Variants in PCDHA11 observed in about 807,000 individuals in gnomAD.
PCDHA11 encodes the protein protocadherin alpha 11.
PCDHA11 carries 61 observed loss-of-function variants against 70.3 expected under a neutral mutation model. That is an observed-to-expected ratio of 0.87 (90% CI 0.71 to 1.07). PCDHA11 has a LOEUF of 1.07. Ranked by LOEUF, PCDHA11 falls within the 50% of genes least tolerant of loss-of-function variation. The pLI is 0.00. For missense variants in PCDHA11, 1,324 were observed against 1,237.5 expected, an observed-to-expected ratio of 1.07 and a Z score of -1.05; for synonymous variants, 633 against 555.1, an observed-to-expected ratio of 1.14 and a Z score of -1.97.
intron 3 of PCDHA11, among the ~76,000 whole-genome samples, chr5:140,986,776 C>T (rs916981139): frequency 2.6e-5 from 4 of 152,098 alleles, no homozygotes; most frequent in Non-Finnish European, 4.4e-5. Flanking sequence ...AATTAGGTAG[C>T]GGAAGCCACT....
intron 1 of PCDHA11, among the ~76,000 whole-genome samples, chr5:140,941,202 C>CCTTTCTTCCTTTCTTTTTCTTT (rs1394736170): frequency 8.1e-6 from 1 of 122,742 alleles, no homozygotes; most frequent in African/African-American, 3.0e-5. Flanking sequence ...TTTCTTTCTT[C>CCTTTCTTCCTTTCTTTTTCTTT]CTTTCTTTCT....
intron 3 of PCDHA11, among the ~76,000 whole-genome samples, chr5:141,007,395 CA>C (rs35800918): frequency 0.59 from 55,851 of 95,076 alleles, 14,598 homozygotes; most frequent in African/African-American, 0.74. Context: ...TACTAAAATA[CA>C]AAAAAAAAAA....
rs137875021 is a variant in PCDHA11, at chr5:140,942,837, A to C, written c.2392-36112A>C. Among the ~76,000 whole-genome samples, 666 of 152,296 alleles carry C rather than the reference A, an allele frequency of 4.4e-3. 3 individuals are homozygous for C. Among genetic ancestry groups the C allele is most frequent in the African/African-American group, 0.016 (646 of 41,564 alleles). On this transcript the variant is annotated intron_variant, in intron 1 of 3. Transcript: ENST00000398640. ...TTGGATTTGGCCCTGTGTCAATAAA[A>C]ATTCCAGTAAGATGATTATTTTGCT...
In PCDHA11 at chr5:140,958,013, G is replaced by A. The variant is rs553596138; in HGVS notation, c.2392-20936G>A. 2.6e-5 allele frequency among the ~76,000 whole-genome samples: 4 copies of A among 152,110 alleles called. No individual in the cohort carries two copies. In the South Asian group the frequency reaches 8.3e-4, roughly 32 times the overall value. On this transcript the variant is annotated intron_variant, in intron 1 of 3. Coordinates refer to ENST00000398640, the MANE Select transcript of PCDHA11 (RefSeq NM_018902.5). ...CAGATTTTTTGTTTCAATTCTATCA[G>A]CCAAGTATACTATGCTTTCTTTGCT...
intron 1 of PCDHA11, among the ~76,000 whole-genome samples, chr5:140,920,166 A>G (rs539079245): frequency 2.2e-4 from 34 of 152,328 alleles, no homozygotes; most frequent in African/African-American, 7.9e-4. Flanking sequence ...AACTGTCTTA[A>G]GCAACCCAGT....
intron 1 of PCDHA11, among the ~76,000 whole-genome samples, chr5:140,951,551 A>T (rs246040): frequency 0.31 from 47,721 of 151,608 alleles, 7,835 homozygotes; most frequent in East Asian, 0.53. Flanking sequence ...GACGGGGGGA[A>T]GTGCTACGCA....
At chr5:140,937,890 C>G (rs1209951664) in intron 1 of PCDHA11, among the ~76,000 whole-genome samples, 1 of 145,964 alleles carries the variant, frequency 6.9e-6, no homozygotes, top group Non-Finnish European at 1.5e-5. Flanking sequence ...CCAGCCTGGG[C>G]GACAGAGTGA....
chr5:140,893,662 A>T (rs1462433571), intron 1 of PCDHA11, among the ~76,000 whole-genome samples: 5 of 152,204 alleles, frequency 3.3e-5, no homozygotes, highest in African/African-American at 1.2e-4. Context: ...GTTTTAAAAA[A>T]TTTCAGCACT....
chr5:140,918,032 A>G (rs528006913), intron 1 of PCDHA11, among the ~76,000 whole-genome samples: 2 of 152,224 alleles, frequency 1.3e-5, no homozygotes, highest in East Asian at 1.9e-4. Context: ...TGAGCGTGGA[A>G]GGTCTTTCCA....
chr5:140,939,798 C>A (rs2092461303), intron 1 of PCDHA11, among the ~76,000 whole-genome samples: 1 of 152,138 alleles, frequency 6.6e-6, no homozygotes, highest in African/African-American at 2.4e-5. Flanking sequence ...TATAAATGTT[C>A]TGCATGTTCA....
At chr5:140,924,839 G>A (rs1049952478) in intron 1 of PCDHA11, among the ~76,000 whole-genome samples, 3 of 150,922 alleles carry the variant, frequency 2.0e-5, no homozygotes, top group Non-Finnish European at 4.4e-5. Context: ...AGGTTGCAGG[G>A]AGCTCAGATC....
chr5:140,967,748 G>T, intron 1 of PCDHA11: 1 of 1,614,204 alleles, frequency 6.2e-7, no homozygotes, highest in Non-Finnish European at 8.5e-7. Context: ...TTATGAGGAA[G>T]CCTCCTCCTA....
intron 1 of PCDHA11, among the ~76,000 whole-genome samples, chr5:140,899,664 G>A (rs1263525075): frequency 2.0e-5 from 3 of 152,126 alleles, no homozygotes; most frequent in African/African-American, 4.8e-5. Context: ...GTCTCTGCCC[G>A]GCTTTGGTAT....
Position 140,982,517 on chromosome 5 carries a change from A to T in PCDHA11, c.2493A>T (p.Pro831=), listed in dbSNP as rs990701966. The T allele has an allele frequency of 2.5e-5, 41 of 1,614,116 alleles. No individual in the cohort carries two copies. The highest frequency in any genetic ancestry group is 3.4e-5 in the Non-Finnish European group (40 of 1,180,048). Residue 831 remains proline, a synonymous_variant, in exon 3 of 4, where the codon CCA becomes CCT. Coordinates refer to ENST00000398640, the MANE Select transcript of PCDHA11 (RefSeq NM_018902.5). The part of the protein sequence containing the change: ...LEEAGILRAG[P]GGPDQQWPTV... ...AGGCTGGCATTCTACGGGCTGGTCC[A>T]GGAGGGCCTGATCAGCAGTGGCCAA...
chr5:141,010,233 G>C lies in PCDHA11; in HGVS notation c.*296G>C, dbSNP rs1156230400. ...AAGGAGAGGCTTCCCAGCCCCGCCA[G>C]TGAGAGGTTGGACTCTCTGCCCTGT... On this transcript the variant is annotated 3_prime_UTR_variant, in exon 4 of 4. Transcript: ENST00000398640. 1.9e-6 allele frequency: 3 copies of C among 1,551,812 alleles called. No homozygotes were observed. The highest frequency in any genetic ancestry group is 2.6e-6 in the Non-Finnish European group (3 of 1,147,042).
rs1256461262 is a variant in PCDHA11, at chr5:140,982,640, A to T, written c.2539+77A>T. On this transcript the variant is annotated intron_variant, in intron 3 of 3. Transcript: ENST00000398640. ...ATGACCTACTTTTGTAAGATCAGGA[A>T]TGTTGATGGCTCTTTTTCTTTTATA... 3 of 1,544,442 alleles carry T rather than the reference A, an allele frequency of 1.9e-6. No individual in the cohort carries two copies. The African/African-American group carries it at 4.2e-5, about 21-fold the overall frequency.
chr5:140,916,161 G>C (rs1469456505), intron 1 of PCDHA11, among the ~76,000 whole-genome samples: 2 of 152,084 alleles, frequency 1.3e-5, no homozygotes, highest in African/African-American at 2.4e-5. Flanking sequence ...GGTGAATGCT[G>C]CCAGGCCTGG....
intron 1 of PCDHA11, chr5:140,968,681 A>G: frequency 1.9e-6 from 3 of 1,614,158 alleles, no homozygotes; most frequent in Non-Finnish European, 2.5e-6. Context: ...AGAGCTGCAC[A>G]CAGGAGAAAT....
chr5:140,927,513 C>G, intron 1 of PCDHA11: 1 of 1,614,062 alleles, frequency 6.2e-7, no homozygotes, highest in Non-Finnish European at 8.5e-7. Context: ...CAGCTCGGGA[C>G]GGCGGGCTAC....
Sources: allele counts gnomAD v4.1 joint callset (sites outside exome capture counted in the v4.1 genomes callset), GRCh38; gene constraint gnomAD v4.1.1; transcripts MANE v1.5; gene names NCBI Gene and HGNC (gene_info 2026-07-23, HGNC 2026-07-21).